The following LMBR1 variants were observed in gnomAD, a reference collection of about 807,000 sequenced individuals.
LMBR1 encodes the protein limb region 1 protein homolog.
Under a neutral mutation model 73.9 loss-of-function variants are expected in LMBR1, and 52 were observed. That is an observed-to-expected ratio of 0.70 (90% CI 0.56 to 0.89). The LOEUF (loss-of-function observed/expected upper bound fraction) is 0.89, where lower values mean the gene tolerates loss of function less well. LMBR1 is among the 40% of genes least tolerant of loss of function. The pLI is 0.00. For synonymous variants in LMBR1, 215 were observed against 209.4 expected (o/e 1.03, Z -0.23); for missense variants, 539 against 579.8 (o/e 0.93, Z 0.72).
At position 156,670,158 on chromosome 7, in the gene LMBR1, T is replaced by A. The variant is rs755817025; in HGVS notation, n.867-871A>T. 1.7e-4 allele frequency among the ~76,000 whole-genome samples: 26 copies of A among 152,226 alleles called. No homozygotes were observed. Among genetic ancestry groups the A allele is most frequent in the Non-Finnish European group, 2.9e-4 (20 of 68,038 alleles). On this transcript the variant is annotated intron_variant and non_coding_transcript_variant, in intron 4 of 4. Coordinates refer to the LMBR1 transcript ENST00000430825. The surrounding 1 kb of genome is among the most constrained non-coding windows in gnomAD (Gnocchi z 4.3). ...AAGTGCAAATATTAGAGCATTTAAGTCATACGTGGAATCACCAAAAGCACA... is the reference window on the plus strand; with the variant it reads ...AAGTGCAAATATTAGAGCATTTAAGACATACGTGGAATCACCAAAAGCACA...
At chr7:156,694,801 C>A (rs1439097753) in intron 15 of LMBR1, among the ~76,000 whole-genome samples, 1 of 152,006 alleles carries the variant, frequency 6.6e-6, no homozygotes, top group Non-Finnish European at 1.5e-5. Flanking sequence ...ACGAAATTAA[C>A]AAAATAATCC....
At chr7:156,812,952 T>A (rs1833348400) in intron 4 of LMBR1, among the ~76,000 whole-genome samples, 1 of 152,174 alleles carries the variant, frequency 6.6e-6, no homozygotes, top group Admixed American at 6.5e-5. Flanking sequence ...TTTGCCCCCA[T>A]CTCTGGGGAT....
chr7:156,875,870 A>G (rs750108355), intron 1 of LMBR1, among the ~76,000 whole-genome samples: 2 of 151,466 alleles, frequency 1.3e-5, no homozygotes, highest in Non-Finnish European at 2.9e-5. Flanking sequence ...TCTTTAAAGC[A>G]TAATTCTCAC....
intron 9 of LMBR1, 67 bp from the exon 10 acceptor site, chr7:156,734,324 T>C: frequency 2.0e-6 from 2 of 983,746 alleles, no homozygotes. Context: ...GGTAGCCCTT[T>C]AATTAAAATC....
chr7:156,774,242 G>C (rs1451125421), intron 5 of LMBR1, among the ~76,000 whole-genome samples: 4 of 152,156 alleles, frequency 2.6e-5, no homozygotes, highest in African/African-American at 9.7e-5. Context: ...GCAGAGAAAA[G>C]GGAATCCTCA....
intron 5 of LMBR1, among the ~76,000 whole-genome samples, chr7:156,782,282 G>A (rs529197858): frequency 2.0e-5 from 3 of 152,328 alleles, no homozygotes; most frequent in East Asian, 1.9e-4. Context: ...GAACATGGGT[G>A]TACATGTATG....
chr7:156,851,834 G>A (rs1479422233), intron 1 of LMBR1, among the ~76,000 whole-genome samples: 1 of 152,044 alleles, frequency 6.6e-6, no homozygotes, highest in South Asian at 2.1e-4. Context: ...AAAAATTAAA[G>A]TTTTAACAAT....
intron 5 of LMBR1, among the ~76,000 whole-genome samples, chr7:156,787,617 GATTT>G (rs1450764872): frequency 6.6e-6 from 1 of 152,070 alleles, no homozygotes; most frequent in Non-Finnish European, 1.5e-5. Flanking sequence ...CTAAAACCCT[GATTT>G]ATTTTTTATA....
intron 9 of LMBR1, among the ~76,000 whole-genome samples, chr7:156,745,585 G>A (rs558932329): frequency 1.3e-5 from 2 of 152,214 alleles, no homozygotes; most frequent in African/African-American, 2.4e-5. Flanking sequence ...AGACTGAAAG[G>A]AGGATTCAGA....
intron 16 of LMBR1, among the ~76,000 whole-genome samples, chr7:156,687,782 A>G (rs1459635006): frequency 1.3e-5 from 2 of 152,210 alleles, no homozygotes; most frequent in Non-Finnish European, 2.9e-5. Flanking sequence ...GCGCTATGCT[A>G]AGGATCTTAC....
intron 15 of LMBR1, among the ~76,000 whole-genome samples, chr7:156,696,996 C>T (rs751000093): frequency 9.9e-5 from 15 of 152,018 alleles, no homozygotes; most frequent in Non-Finnish European, 1.9e-4. Context: ...ATTGGGGGAC[C>T]CTGCTGCCAA....
chr7:156,810,860 G>A (rs1025410996), intron 4 of LMBR1, among the ~76,000 whole-genome samples: 1 of 151,634 alleles, frequency 6.6e-6, no homozygotes, highest in African/African-American at 2.4e-5. Flanking sequence ...CCAGGCTGGA[G>A]TACAGTGGCG....
chr7:156,823,070 C>T (rs1036103776), intron 4 of LMBR1: 1 of 151,820 alleles, frequency 6.6e-6, no homozygotes, highest in Non-Finnish European at 1.5e-5. Context: ...CAAGACTGCG[C>T]CACTGCACTC....
At chr7:156,740,172 T>G (rs1275292267) in intron 9 of LMBR1, among the ~76,000 whole-genome samples, 1 of 151,966 alleles carries the variant, frequency 6.6e-6, no homozygotes, top group African/African-American at 2.4e-5. Flanking sequence ...CTGGTGAGCT[T>G]GAAGACAGGC....
intron 1 of LMBR1, among the ~76,000 whole-genome samples, chr7:156,887,036 C>G (rs1008194220): frequency 3.9e-5 from 6 of 152,150 alleles, no homozygotes; most frequent in Non-Finnish European, 5.9e-5. Context: ...TCATAGCTAG[C>G]TCTCAAAAGA....
At chr7:156,721,090 A>C (rs1008507414) in intron 15 of LMBR1, among the ~76,000 whole-genome samples, 11 of 152,148 alleles carry the variant, frequency 7.2e-5, no homozygotes, top group African/African-American at 2.4e-4. Context: ...AAATAAATTC[A>C]AGCTGATTTG....
intron 1 of LMBR1, among the ~76,000 whole-genome samples, chr7:156,840,187 G>A (rs1838402207): frequency 6.6e-6 from 1 of 152,180 alleles, no homozygotes; most frequent in Non-Finnish European, 1.5e-5. Context: ...TCTAGGAACT[G>A]GGACATAGCA....
At chr7:156,715,810 A>T (rs1038839742) in intron 15 of LMBR1, among the ~76,000 whole-genome samples, 1 of 152,188 alleles carries the variant, frequency 6.6e-6, no homozygotes, top group Non-Finnish European at 1.5e-5. Context: ...CCAAAATCTG[A>T]TCATCCATTC....
intron 1 of LMBR1, among the ~76,000 whole-genome samples, chr7:156,873,124 C>A (rs1016480656): frequency 6.6e-6 from 1 of 152,150 alleles, no homozygotes; most frequent in African/African-American, 2.4e-5. Flanking sequence ...CGGACTCTTG[C>A]GGTGAGTGTT....
Sources: allele counts gnomAD v4.1 joint callset (sites outside exome capture counted in the v4.1 genomes callset), GRCh38; gene constraint gnomAD v4.1.1; non-coding constraint Gnocchi (gnomAD v3.1); transcripts MANE v1.5; gene names NCBI Gene and HGNC (gene_info 2026-07-23, HGNC 2026-07-21).